The following PRKACB variants were observed in gnomAD, a reference collection of about 807,000 sequenced individuals.
PRKACB encodes the protein protein kinase cAMP-activated catalytic subunit beta.
A neutral mutation model predicts 51.4 loss-of-function variants in PRKACB; 16 were observed. The ratio of observed to expected loss-of-function variants is 0.31; its 90% CI spans 0.21 to 0.47. The LOEUF (loss-of-function observed/expected upper bound fraction) is 0.47. Among genes scored for constraint, PRKACB ranks in the 20% least tolerant of loss-of-function variants. The pLI is 1.00. For synonymous variants in PRKACB, 147 were observed against 154.4 expected (o/e 0.95, Z 0.35); for missense variants, 309 against 464.5 (o/e 0.67, Z 3.08).
Position 84,185,198 on chromosome 1 carries a change from G to A in PRKACB, c.560+16G>A, listed in dbSNP as rs201203672. 1.1e-4 allele frequency: 162 copies of A among 1,481,422 alleles called. No individual in the cohort carries two copies. In the African/African-American group the frequency reaches 2.1e-3, roughly 20 times the overall value. The allele number at this position is 1,481,422 out of a possible 1,614,324, so 91.8% of individuals were successfully genotyped here. A position where few individuals can be genotyped will look rare whatever the true frequency, so the allele number is the denominator to read the frequency against. On this transcript the variant is annotated intron_variant, in intron 5 of 9. Transcript: ENST00000370685. ...GAAGGTTCAGGTAACTAATGGTTTT[G>A]CTTTCTTCAAATCTTTATATGCTTG...
In PRKACB at chr1:84,223,774, C is replaced by G. The variant is rs371966413; in HGVS notation, c.1071+9457C>G. ...TTTGTCTGTGTTCTCTTATATCTCA[C>G]TGAGCTTCTTTAATATCATTAGTTT... On this transcript the variant is annotated intron_variant, in intron 9 of 9. Coordinates refer to ENST00000370685, the MANE Select transcript of PRKACB (RefSeq NM_182948.4). Among the ~76,000 whole-genome samples the G allele has an allele frequency of 5.3e-4, 81 of 152,290 alleles. 1 individual carries two copies. In the South Asian group the frequency reaches 0.017, roughly 31 times the overall value.
At chr1:84,202,941 C>T in intron 8 of PRKACB, 136 bp downstream of exon 8, 1 of 783,846 alleles carries the variant, frequency 1.3e-6, no homozygotes, top group South Asian at 3.3e-5. Context: ...GCTGCTCTTA[C>T]TATCATAAGA....
intron 1 of PRKACB, chr1:84,086,016 T>A: frequency 1.2e-6 from 1 of 807,644 alleles, no homozygotes; most frequent in Non-Finnish European, 2.2e-6. Context: ...CCCTGCAAGA[T>A]CCTGGGGCTG....
At chr1:84,189,459 A>C (rs1666110480) in intron 5 of PRKACB, among the ~76,000 whole-genome samples, 1 of 144,444 alleles carries the variant, frequency 6.9e-6, no homozygotes, top group Admixed American at 6.8e-5. Flanking sequence ...TTCAAACTGA[A>C]AAAAAAAAAA....
intron 1 of PRKACB, among the ~76,000 whole-genome samples, chr1:84,097,910 C>G (rs12567738): frequency 0.048 from 7,292 of 152,180 alleles, 237 homozygotes; most frequent in Middle Eastern, 0.11. Context: ...CTTTATTCAG[C>G]CTGCTGATTC....
intron 1 of PRKACB, among the ~76,000 whole-genome samples, chr1:84,121,824 G>A (rs544200559): frequency 6.6e-6 from 1 of 152,116 alleles, no homozygotes; most frequent in South Asian, 2.1e-4. Flanking sequence ...CCTCTGGCTG[G>A]CAATTTATGA....
At chr1:84,202,641 G>A (rs376258106) in intron 7 of PRKACB, 42 bp from the exon 8 acceptor site, 7 of 1,539,078 alleles carry the variant, frequency 4.5e-6, no homozygotes, top group Non-Finnish European at 5.3e-6. Context: ...TCTCTTTTGA[G>A]TAACTTAAGT....
At chr1:84,110,479 T>C (rs1650137945) in intron 1 of PRKACB, among the ~76,000 whole-genome samples, 1 of 151,866 alleles carries the variant, frequency 6.6e-6, no homozygotes, top group Non-Finnish European at 1.5e-5. Context: ...CATCATCTTA[T>C]TCTCAAATTC....
chr1:84,100,566 T>C (rs1215116191), intron 1 of PRKACB, among the ~76,000 whole-genome samples: 1 of 152,158 alleles, frequency 6.6e-6, no homozygotes, highest in African/African-American at 2.4e-5. Flanking sequence ...TTTTGAATGA[T>C]GCAAACTCCA....
intron 1 of PRKACB, among the ~76,000 whole-genome samples, chr1:84,148,491 A>C (rs1363709856): frequency 6.6e-6 from 1 of 152,048 alleles, no homozygotes; most frequent in Non-Finnish European, 1.5e-5. Flanking sequence ...ATAACTTGTC[A>C]GTTTATTTCA....
intron 1 of PRKACB, among the ~76,000 whole-genome samples, chr1:84,078,648 C>T (rs181019034): frequency 6.6e-6 from 1 of 152,176 alleles, no homozygotes; most frequent in Non-Finnish European, 1.5e-5. Context: ...GACTTGCACA[C>T]GTTCTGGAAC....
At chr1:84,198,821 A>G (rs1668943102) in intron 7 of PRKACB, among the ~76,000 whole-genome samples, 1 of 149,858 alleles carries the variant, frequency 6.7e-6, no homozygotes, top group Admixed American at 6.7e-5. Flanking sequence ...AAACATTCAT[A>G]TATGTATGTA....
intron 1 of PRKACB, among the ~76,000 whole-genome samples, chr1:84,131,343 T>TAA (rs1324293196): frequency 5.9e-5 from 1 of 17,084 alleles, no homozygotes; most frequent in African/African-American, 1.7e-4. Flanking sequence ...AAACTCCATC[T>TAA]CAAAAAAAAA....
chr1:84,180,402 C>CT (rs1663013588), intron 2 of PRKACB, among the ~76,000 whole-genome samples: 1 of 150,698 alleles, frequency 6.6e-6, no homozygotes, highest in Admixed American at 6.6e-5. Context: ...ATATAATGGA[C>CT]TTTTGGCACT....
chr1:84,137,613 G>A (rs548507548), intron 1 of PRKACB, among the ~76,000 whole-genome samples: 26 of 152,302 alleles, frequency 1.7e-4, no homozygotes, highest in African/African-American at 5.8e-4. Flanking sequence ...TGAAGCAAAT[G>A]GAGTTGAAAT....
chr1:84,231,861 C>CA (rs1558352418), intron 9 of PRKACB, among the ~76,000 whole-genome samples: 1 of 151,770 alleles, frequency 6.6e-6, no homozygotes, highest in Non-Finnish European at 1.5e-5. Context: ...TTGATCCTTT[C>CA]AAAAAACCAG....
At chr1:84,121,924 T>C (rs1651115358) in intron 1 of PRKACB, among the ~76,000 whole-genome samples, 1 of 152,110 alleles carries the variant, frequency 6.6e-6, no homozygotes, top group Non-Finnish European at 1.5e-5. Context: ...TCAACATAAT[T>C]CTTTTCACTC....
At chr1:84,104,448 G>T (rs1367194876) in intron 1 of PRKACB, among the ~76,000 whole-genome samples, 1 of 152,052 alleles carries the variant, frequency 6.6e-6, no homozygotes, top group South Asian at 2.1e-4. Flanking sequence ...TAAACATGGG[G>T]TGCAGATGTC....
At chr1:84,150,387 A>G (rs892470494) in intron 1 of PRKACB, among the ~76,000 whole-genome samples, 3 of 152,182 alleles carry the variant, frequency 2.0e-5, no homozygotes, top group Non-Finnish European at 2.9e-5. Flanking sequence ...ATGGCCCATT[A>G]TACTTCCTTC....
Sources: gnomAD v4.1 joint callset for allele counts (sites outside exome capture counted in the v4.1 genomes callset) on GRCh38, gnomAD v4.1.1 for gene constraint, MANE v1.5 for transcripts, NCBI Gene and HGNC (gene_info 2026-07-23, HGNC 2026-07-21) for gene names.